Variants in WWOX observed in about 807,000 individuals in gnomAD.
WWOX encodes WW domain containing oxidoreductase, also known as WW domain-containing oxidoreductase.
Under a neutral mutation model 46.2 loss-of-function variants are expected in WWOX, and 69 were observed. That is an observed-to-expected ratio of 1.49 (90% CI 1.23 to 1.82). WWOX has a LOEUF of 1.82. WWOX is among the 40% of genes most tolerant of loss of function. The probability of loss-of-function intolerance (pLI) is 0.00; values close to 1 mark genes in which losing one functional copy is unlikely to be tolerated. For synonymous variants in WWOX, 359 were observed against 202.6 expected (o/e 1.77, Z -6.56); for missense variants, 919 against 542.6 (o/e 1.69, Z -6.89).
chr16:78,407,433 T>C (rs906375821), intron 6 of WWOX, among the ~76,000 whole-genome samples: 1 of 152,234 alleles, frequency 6.6e-6, no homozygotes, highest in East Asian at 1.9e-4. Flanking sequence ...GCCACAATTA[T>C]CTTAACATTC....
At chr16:78,384,653 G>A (rs556569985) in intron 5 of WWOX, among the ~76,000 whole-genome samples, 1 of 152,020 alleles carries the variant, frequency 6.6e-6, no homozygotes, top group South Asian at 2.1e-4. Context: ...CCCACGTGTG[G>A]GCGTTTTCCC....
At chr16:78,989,822 G>C (rs867987976) in intron 8 of WWOX, among the ~76,000 whole-genome samples, 1 of 35,448 alleles carries the variant, frequency 2.8e-5, no homozygotes, top group South Asian at 8.6e-4. Flanking sequence ...GTGTGTGAGC[G>C]TGTGTGTGTG....
chr16:78,954,986 C>T (rs1016680408), intron 8 of WWOX, among the ~76,000 whole-genome samples: 1 of 152,060 alleles, frequency 6.6e-6, no homozygotes, highest in Non-Finnish European at 1.5e-5. Flanking sequence ...GACAGGGCCT[C>T]ACTGTGTTGC....
At chr16:79,003,941 C>T (rs1235803330) in intron 8 of WWOX, among the ~76,000 whole-genome samples, 1 of 152,104 alleles carries the variant, frequency 6.6e-6, no homozygotes, top group Non-Finnish European at 1.5e-5. Context: ...TGTCCTGGGG[C>T]CTTTGCTCTT....
chr16:78,232,223 A>G (rs2037293331), intron 5 of WWOX, among the ~76,000 whole-genome samples: 1 of 152,192 alleles, frequency 6.6e-6, no homozygotes, highest in Non-Finnish European at 1.5e-5. Context: ...AATTTCAGGT[A>G]TTTATGGGAA....
chr16:79,128,080 C>T (rs578024767), intron 8 of WWOX, among the ~76,000 whole-genome samples: 36 of 152,244 alleles, frequency 2.4e-4, no homozygotes, highest in African/African-American at 8.7e-4. Flanking sequence ...TTACCCCCTT[C>T]TCCATCCCCC....
At chr16:79,037,235 C>G (rs2047885331) in intron 8 of WWOX, among the ~76,000 whole-genome samples, 1 of 152,194 alleles carries the variant, frequency 6.6e-6, no homozygotes, top group African/African-American at 2.4e-5. Flanking sequence ...TGTTCGTTCT[C>G]TCTCTCTCGC....
At chr16:78,330,689 C>T (rs901252601) in intron 5 of WWOX, among the ~76,000 whole-genome samples, 2 of 152,184 alleles carry the variant, frequency 1.3e-5, no homozygotes, top group Non-Finnish European at 2.9e-5. Context: ...ACCACCGTGC[C>T]CGGCAGGGAG....
chr16:78,424,913 C>T lies in WWOX; in HGVS notation c.649C>T (p.Pro217Ser). The change falls in exon 7 of 9, where the codon CCC becomes TCC. Residue 217 changes from proline (P) to serine (S), a missense_variant. Physicochemically the swap from Pro to Ser is moderately conservative, Grantham distance 74 (BLOSUM62 -1). Transcript: ENST00000566780. ...GTGCAACGCAGCAACTTTTGCTCTA[C>T]CCTGGAGTCTCACCAAAGATGGCCT... ...LVCNAATFAL[P>S]WSLTKDGLET... 2 of 1,614,156 alleles carry T rather than the reference C, an allele frequency of 1.2e-6. No individual in the cohort carries two copies. The highest frequency in any genetic ancestry group is 1.7e-6 in the Non-Finnish European group (2 of 1,180,038).
intron 8 of WWOX, among the ~76,000 whole-genome samples, chr16:79,112,029 C>T (rs1211843872): frequency 6.6e-6 from 1 of 152,098 alleles, no homozygotes; most frequent in Non-Finnish European, 1.5e-5. Flanking sequence ...CAACAAACTC[C>T]CCAGCCATAC....
intron 8 of WWOX, among the ~76,000 whole-genome samples, chr16:78,659,643 G>C (rs72794731): frequency 0.031 from 4,650 of 152,272 alleles, 102 homozygotes; most frequent in Non-Finnish European, 0.049. Flanking sequence ...GCCTCCATCG[G>C]AGCGAGTTCA....
intron 8 of WWOX, among the ~76,000 whole-genome samples, chr16:78,869,558 G>C (rs2044081401): frequency 1.3e-5 from 2 of 152,220 alleles, no homozygotes; most frequent in South Asian, 4.1e-4. Context: ...AATTGAAACA[G>C]CCGATTGAAG....
At chr16:79,003,750 A>T (rs2047139297) in intron 8 of WWOX, among the ~76,000 whole-genome samples, 1 of 152,190 alleles carries the variant, frequency 6.6e-6, no homozygotes, top group African/African-American at 2.4e-5. Context: ...TCAGCTACAC[A>T]GCAGAAGTGG....
chr16:78,848,249 G>T (rs531838737), intron 8 of WWOX, among the ~76,000 whole-genome samples: 1 of 152,178 alleles, frequency 6.6e-6, no homozygotes, highest in Non-Finnish European at 1.5e-5. Context: ...TTTGTACACC[G>T]TGGGCTCCCA....
intron 5 of WWOX, chr16:78,237,288 G>A (rs543170287): frequency 6.6e-6 from 1 of 152,170 alleles, no homozygotes; most frequent in Non-Finnish European, 1.5e-5. Flanking sequence ...CAATTTAAGA[G>A]GGGGTAAAAA....
chr16:78,417,691 G>T (rs1326456182), intron 6 of WWOX, among the ~76,000 whole-genome samples: 1 of 152,142 alleles, frequency 6.6e-6, no homozygotes, highest in Non-Finnish European at 1.5e-5. Context: ...CTACAAATTA[G>T]TAGATTCTGC....
intron 8 of WWOX, chr16:78,825,451 G>A: frequency 2.6e-6 from 1 of 384,642 alleles, no homozygotes; most frequent in Non-Finnish European, 5.3e-6. Flanking sequence ...AACAAAAAAT[G>A]TTCCTGGTGA....
chr16:78,673,973 T>C (rs1167663517), intron 8 of WWOX, among the ~76,000 whole-genome samples: 2 of 152,130 alleles, frequency 1.3e-5, no homozygotes, highest in Non-Finnish European at 2.9e-5. Context: ...ACATGGAAAG[T>C]ACTAGCTTGG....
intron 8 of WWOX, among the ~76,000 whole-genome samples, chr16:78,631,434 G>C (rs2046427475): frequency 6.6e-6 from 1 of 152,032 alleles, no homozygotes; most frequent in Non-Finnish European, 1.5e-5. Context: ...GGAAGAATTA[G>C]GACAGATGTA....
Sources: allele counts gnomAD v4.1 joint callset (sites outside exome capture counted in the v4.1 genomes callset), GRCh38; gene constraint gnomAD v4.1.1; transcripts MANE v1.5; gene names NCBI Gene and HGNC (gene_info 2026-07-23, HGNC 2026-07-21).